Variants in GALNT11 observed in about 807,000 individuals in gnomAD.
The protein encoded by GALNT11 is polypeptide N-acetylgalactosaminyltransferase 11, also known as UDP-GalNAc:polypeptide N-acetylgalactosaminyltransferase 11.
A neutral mutation model predicts 72.7 loss-of-function variants in GALNT11; 47 were observed. That is an observed-to-expected ratio of 0.65 (90% CI 0.51 to 0.82). The LOEUF is 0.82. Ranked by LOEUF, GALNT11 falls within the 40% of genes least tolerant of loss-of-function variation. GALNT11 has a pLI of 0.00. For missense variants in GALNT11, 677 were observed against 778.4 expected (o/e 0.87, Z 1.55); for synonymous variants, 270 against 286.6 (o/e 0.94, Z 0.58).
intron 10 of GALNT11, 44 bp from the exon 11 acceptor site, chr7:152,120,787 C>A: frequency 1.3e-6 from 2 of 1,508,410 alleles, no homozygotes; most frequent in South Asian, 1.1e-5. Flanking sequence ...GTTGTTCAGT[C>A]TTAAAATTCG....
intron 1 of GALNT11, among the ~76,000 whole-genome samples, chr7:152,035,909 G>A (rs2082551035): frequency 6.6e-6 from 1 of 152,198 alleles, no homozygotes; most frequent in Admixed American, 6.5e-5. Context: ...TGATGTGGCT[G>A]CTGCGTAGTG....
At chr7:152,118,830 C>CCTACACTGGA in intron 10 of GALNT11, 48 bp downstream of exon 10, 2 of 1,495,860 alleles carry the variant, frequency 1.3e-6, no homozygotes, top group Non-Finnish European at 1.8e-6. Context: ...AGGAGGCTTC[C>CCTACACTGGA]AGTGTAGGGA....
intron 1 of GALNT11, among the ~76,000 whole-genome samples, chr7:152,028,772 CCCTGCAATTGTAGTGT>C (rs1427279347): frequency 4.6e-5 from 7 of 152,242 alleles, no homozygotes; most frequent in African/African-American, 1.7e-4. Context: ...GAAGAAGGGG[CCCTGCAATTGTAGTGT>C]CCTCCAGAGG....
chr7:152,027,770 T>G (rs1446110571), intron 1 of GALNT11: 2 of 159,674 alleles, frequency 1.3e-5, no homozygotes, highest in African/African-American at 4.8e-5. Context: ...TTCCTTCTGA[T>G]GTTCAGATGT....
intron 10 of GALNT11, 128 bp from the exon 11 acceptor site, chr7:152,120,703 C>T: frequency 1.3e-6 from 1 of 781,276 alleles, no homozygotes. Context: ...ATCTGCTTCC[C>T]TGTAAGTCTA....
At chr7:152,118,956 C>T in intron 10 of GALNT11, 174 bp downstream of exon 10, 1 of 461,732 alleles carries the variant, frequency 2.2e-6, no homozygotes, top group East Asian at 3.7e-5. Flanking sequence ...TATCTATATC[C>T]TAGTGCTCAA....
In GALNT11 at chr7:152,113,712, C is replaced by CTTTTTTTTTT. The variant is rs6150397; in HGVS notation, c.1233+347_1233+356dup. On this transcript the variant is annotated intron_variant, in intron 8 of 11. Coordinates refer to ENST00000430044, the MANE Select transcript of GALNT11 (RefSeq NM_022087.4). Reference sequence around the variant, plus strand: ...TGTGACGCCTGCAAAAGTTGGCTTTCTTTTTTTTTTTTTTTTTTTTTTTTT... The same window carrying CTTTTTTTTTT: ...TGTGACGCCTGCAAAAGTTGGCTTTCTTTTTTTTTTTTTTTTTTTTTTTTTTTTTTTTTTT... Among the ~76,000 whole-genome samples the CTTTTTTTTTT allele has an allele frequency of 9.7e-4, 94 of 97,000 alleles. 6 individuals carry two copies. Among genetic ancestry groups the CTTTTTTTTTT allele is most frequent in the South Asian group, 1.3e-3 (4 of 3,192 alleles). 63.6% of individuals were successfully genotyped at this position (97,000 alleles called of 152,430 possible).
chr7:152,080,020 GT>G (rs2085225847), intron 1 of GALNT11, among the ~76,000 whole-genome samples: 1 of 152,206 alleles, frequency 6.6e-6, no homozygotes, highest in African/African-American at 2.4e-5. Flanking sequence ...AATGAAAGCT[GT>G]CCTGTGAAAT....
intron 1 of GALNT11, among the ~76,000 whole-genome samples, chr7:152,059,417 G>A (rs1472519711): frequency 6.6e-6 from 1 of 152,004 alleles, no homozygotes; most frequent in African/African-American, 2.4e-5. Flanking sequence ...TGTTCTTAAT[G>A]GCATCTAGAA....
intron 3 of GALNT11, among the ~76,000 whole-genome samples, chr7:152,101,652 G>A (rs375949185): frequency 0.013 from 1,829 of 144,654 alleles, 64 homozygotes; most frequent in African/African-American, 0.042. Flanking sequence ...TGGGGGGGGG[G>A]GGATGGAGTC....
At chr7:152,098,562 G>A (rs2086544792) in intron 2 of GALNT11, among the ~76,000 whole-genome samples, 1 of 151,996 alleles carries the variant, frequency 6.6e-6, no homozygotes, top group South Asian at 2.1e-4. Context: ...TTTTGAGTAG[G>A]GGAATAAGAA....
intron 1 of GALNT11, among the ~76,000 whole-genome samples, chr7:152,068,674 G>C (rs2084454893): frequency 6.6e-6 from 1 of 152,068 alleles, no homozygotes; most frequent in South Asian, 2.1e-4. Flanking sequence ...GGAAGAGAGG[G>C]TACAATCTAA....
intron 1 of GALNT11, among the ~76,000 whole-genome samples, chr7:152,087,760 G>T (rs1359770101): frequency 6.6e-6 from 1 of 152,200 alleles, no homozygotes; most frequent in Non-Finnish European, 1.5e-5. Flanking sequence ...TCAGTGCAAA[G>T]GGTGGTGTTT....
At chr7:152,039,669 G>A (rs1047079869) in intron 1 of GALNT11, among the ~76,000 whole-genome samples, 4 of 152,192 alleles carry the variant, frequency 2.6e-5, no homozygotes, top group South Asian at 2.1e-4. Context: ...GGGGGTCCTC[G>A]GGATTCTCCT....
At chr7:152,112,998 T>G (rs2088410869) in intron 7 of GALNT11, among the ~76,000 whole-genome samples, 1 of 152,216 alleles carries the variant, frequency 6.6e-6, no homozygotes, top group African/African-American at 2.4e-5. Flanking sequence ...AATTTCAGAC[T>G]TATGGTAGTA....
intron 1 of GALNT11, among the ~76,000 whole-genome samples, chr7:152,054,503 CT>C (rs1037895401): frequency 0.033 from 2,397 of 72,092 alleles, 37 homozygotes; most frequent in African/African-American, 0.1. Flanking sequence ...TTTTTCTTGT[CT>C]TTTTTTTTTT....
At chr7:152,032,088 GA>G (rs2082328796) in intron 1 of GALNT11, among the ~76,000 whole-genome samples, 1 of 152,180 alleles carries the variant, frequency 6.6e-6, no homozygotes, top group South Asian at 2.1e-4. Flanking sequence ...TGATTAGCTA[GA>G]AAATTCAAGA....
At chr7:152,057,669 A>G (rs2083763729) in intron 1 of GALNT11, among the ~76,000 whole-genome samples, 1 of 152,202 alleles carries the variant, frequency 6.6e-6, no homozygotes, top group Non-Finnish European at 1.5e-5. Context: ...TTTTTAAAAT[A>G]AACTTTTAGT....
chr7:152,119,696 A>C (rs762332002), intron 10 of GALNT11: 1 of 152,156 alleles, frequency 6.6e-6, no homozygotes, highest in Non-Finnish European at 1.5e-5. Context: ...AACATGATGA[A>C]ACCCCATCTC....
Sources: gnomAD v4.1 joint callset for allele counts (sites outside exome capture counted in the v4.1 genomes callset) on GRCh38, gnomAD v4.1.1 for gene constraint, MANE v1.5 for transcripts, NCBI Gene and HGNC (gene_info 2026-07-23, HGNC 2026-07-21) for gene names.